CMTM5: variants seen among roughly 807,000 people sequenced by gnomAD.
CMTM5 encodes CKLF like MARVEL transmembrane domain containing 5, also known as CKLF-like MARVEL transmembrane domain-containing protein 5.
A neutral mutation model predicts 26.9 loss-of-function variants in CMTM5; 25 were observed. That is an observed-to-expected ratio of 0.93 (90% CI 0.68 to 1.30). The LOEUF is 1.30. Ranked by LOEUF, CMTM5 falls within the 50% of genes most tolerant of loss-of-function variation. The pLI is 0.00. For synonymous variants in CMTM5, 98 were observed against 115.5 expected (o/e 0.85, Z 0.97); for missense variants, 292 against 289.6 (o/e 1.01, Z -0.06).
Position 23,377,160 on chromosome 14 carries a change from C to T in CMTM5, c.-92C>T. 1 of 1,540,244 alleles carries T rather than the reference C, an allele frequency of 6.5e-7. No homozygotes were observed. The highest frequency in any genetic ancestry group is 1.8e-5 in the Admixed American group (1 of 55,424). On this transcript the variant is annotated 5_prime_UTR_variant, in exon 1 of 6. Coordinates refer to ENST00000339180, the MANE Select transcript of CMTM5 (RefSeq NM_001288746.2). The surrounding 1 kb of genome is among the most constrained non-coding windows in gnomAD (Gnocchi z 4.6). ...ACTTTCAGGTTTCTCGAAGTGCCTT[C>T]TTGCTCCTGTCTGTTTCCCCATCCT... is the stretch of plus-strand genomic sequence containing the variant.
chr14:23,379,015 C>T lies in CMTM5; in HGVS notation c.481-16C>T, dbSNP rs747453809. On this transcript the variant is annotated splice_polypyrimidine_tract_variant and intron_variant, in intron 3 of 5. Coordinates refer to ENST00000339180, the MANE Select transcript of CMTM5 (RefSeq NM_001288746.2). Reference sequence around the variant, plus strand: ...GCCTTCTGAGGTCCTGTTAACCCTGCACCCCTGGCCCCCAGGACTTCCTGC... The same window carrying T: ...GCCTTCTGAGGTCCTGTTAACCCTGTACCCCTGGCCCCCAGGACTTCCTGC... 1.2e-6 allele frequency: 2 copies of T among 1,613,602 alleles called. No homozygotes were observed. The highest frequency in any genetic ancestry group is 1.7e-6 in the Non-Finnish European group (2 of 1,179,596).
intron 3 of CMTM5, 27 bp from the exon 4 acceptor site, chr14:23,379,004 T>C: frequency 6.2e-7 from 1 of 1,612,882 alleles, no homozygotes; most frequent in South Asian, 1.1e-5. Context: ...TCTGAGGTCC[T>C]GTTAACCCTG....
chr14:23,378,249 G>A lies in CMTM5; in HGVS notation c.127-100G>A. ...CCTTCCTCCCCTCCAAGGACAGGTA[G>A]TAGGTGCCAGCCTAGGGGAGCTTCC... is the stretch of plus-strand genomic sequence containing the variant. On this transcript the variant is annotated intron_variant, in intron 1 of 5. Coordinates refer to ENST00000339180, the MANE Select transcript of CMTM5 (RefSeq NM_001288746.2). This position sits in a 1 kb window ranked among gnomAD's most constrained non-coding sequence, Gnocchi z 4.2. 2.3e-6 allele frequency: 3 copies of A among 1,304,256 alleles called. No homozygotes were observed. The highest frequency in any genetic ancestry group is 2.1e-6 in the Non-Finnish European group (2 of 936,842). 80.8% of individuals were successfully genotyped at this position (1,304,256 alleles called of 1,614,324 possible). A position where few individuals can be genotyped will look rare whatever the true frequency, so the allele number is the denominator to read the frequency against.
chr14:23,379,216 G>A (rs1396609379), intron 4 of CMTM5, 83 bp from the exon 5 acceptor site: 20 of 1,600,208 alleles, frequency 1.2e-5, no homozygotes, highest in Non-Finnish European at 1.5e-5. Flanking sequence ...CAGGACTTGG[G>A]GTTCTGGCTT....
In CMTM5 at chr14:23,379,101, A is replaced by T; in HGVS notation, c.551A>T (p.Asp184Val). ...VVSFAAVTSR[D>V]GAAIAAFVFG... is the part of the protein sequence containing the mutation. ...TCCTTTGCAGCTGTGACCTCCCGGG[A>T]CGGAGCTGCCATTGCTGCTTTTGTG... The change falls in exon 4 of 6, where the codon GAC (aspartate) becomes GTC (valine). Residue 184 changes from aspartate (D) to valine (V), a missense_variant. Coordinates refer to ENST00000339180, the MANE Select transcript of CMTM5 (RefSeq NM_001288746.2). 6.2e-7 allele frequency: 1 copy of T among 1,613,798 alleles called. No individual in the cohort carries two copies. The highest frequency in any genetic ancestry group is 2.2e-5 in the East Asian group (1 of 44,880).
rs1038885261 is a variant in CMTM5, at chr14:23,377,150, G to A, written c.-102G>A. 157 of 1,492,150 alleles carry A rather than the reference G, an allele frequency of 1.1e-4. No individual in the cohort carries two copies. The highest frequency in any genetic ancestry group is 8.8e-4 in the Middle Eastern group (5 of 5,680). 92.4% of individuals were successfully genotyped at this position (1,492,150 alleles called of 1,614,324 possible). A position where few individuals can be genotyped will look rare whatever the true frequency, so the allele number is the denominator to read the frequency against. ...CTCCTGCTTCACTTTCAGGTTTCTCGAAGTGCCTTCTTGCTCCTGTCTGTT... is the reference window on the plus strand; with the variant it reads ...CTCCTGCTTCACTTTCAGGTTTCTCAAAGTGCCTTCTTGCTCCTGTCTGTT... On this transcript the variant is annotated 5_prime_UTR_variant, in exon 1 of 6. Transcript: ENST00000339180. The surrounding 1 kb of genome is among the most constrained non-coding windows in gnomAD (Gnocchi z 4.6).
rs1890771071 is a variant in CMTM5, at chr14:23,379,464, A to G, written c.659-10A>G. The stretch of plus-strand genomic sequence containing the variant: ...CTGATGTGGGTCCCTACCTGGCTCT[A>G]TCCTCACAGGGGACCAGCAGTGACT... On this transcript the variant is annotated splice_polypyrimidine_tract_variant and intron_variant, in intron 5 of 5. Transcript: ENST00000339180. 8 of 1,613,930 alleles carry G rather than the reference A, an allele frequency of 5.0e-6. No homozygotes were observed. Among genetic ancestry groups the G allele is most frequent in the Non-Finnish European group, 5.1e-6 (6 of 1,179,976 alleles).
Position 23,377,271 on chromosome 14 carries a change from G to A in CMTM5, c.20G>A (p.Arg7His), listed in dbSNP as rs138472302. 1.2e-4 allele frequency: 190 copies of A among 1,612,128 alleles called. No homozygotes were observed. The highest frequency in any genetic ancestry group is 6.1e-4 in the African/African-American group (46 of 75,004). MLSARDRRDRHPEEGVV... is the reference protein window; with the variant it reads MLSARDHRDRHPEEGVV... ...ACGAAGATGCTCAGTGCTCGAGATC[G>A]CCGGGACCGGCACCCTGAGGAGGGG... Residue 7 changes from arginine (R) to histidine (H), a missense_variant, in exon 1 of 6, where the codon CGC (arginine) becomes CAC (histidine). Coordinates refer to ENST00000339180, the MANE Select transcript of CMTM5 (RefSeq NM_001288746.2). This position sits in a 1 kb window ranked among gnomAD's most constrained non-coding sequence, Gnocchi z 4.6.
Position 23,379,468 on chromosome 14 carries a change from T to A in CMTM5, c.659-6T>A, listed in dbSNP as rs773998041. Reference sequence around the variant, plus strand: ...TGTGGGTCCCTACCTGGCTCTATCCTCACAGGGGACCAGCAGTGACTCTGG... The same window carrying A: ...TGTGGGTCCCTACCTGGCTCTATCCACACAGGGGACCAGCAGTGACTCTGG... On this transcript the variant is annotated splice_polypyrimidine_tract_variant and splice_region_variant and intron_variant, in intron 5 of 5. Transcript: ENST00000339180. 3.7e-6 allele frequency: 6 copies of A among 1,613,906 alleles called. No individual in the cohort carries two copies. In the Admixed American group the frequency reaches 1.0e-4, roughly 27 times the overall value.
chr14:23,377,285 C>T lies in CMTM5; in HGVS notation c.34C>T (p.Pro12Ser), dbSNP rs1376020151. ...LSARDRRDRH[P>S]EEGVVAELQG... Reference sequence around the variant, plus strand: ...TGCTCGAGATCGCCGGGACCGGCACCCTGAGGAGGGGGTAGTTGCAGAGCT... The same window carrying T: ...TGCTCGAGATCGCCGGGACCGGCACTCTGAGGAGGGGGTAGTTGCAGAGCT... Residue 12 changes from proline (P) to serine (S), a missense_variant, in exon 1 of 6, where the codon CCT (proline) becomes TCT (serine). Transcript: ENST00000339180. The surrounding 1 kb of genome is among the most constrained non-coding windows in gnomAD (Gnocchi z 4.6). 2 of 1,612,438 alleles carry T rather than the reference C, an allele frequency of 1.2e-6. No homozygotes were observed. Among genetic ancestry groups the T allele is most frequent in the South Asian group, 1.1e-5 (1 of 90,948 alleles).
Position 23,378,853 on chromosome 14 carries a change from A to ACT in CMTM5, c.466_467dup (p.Leu157ProfsTer25), listed in dbSNP as rs771939369. 6.2e-7 allele frequency: 1 copy of ACT among 1,612,446 alleles called. No individual in the cohort carries two copies. Among genetic ancestry groups the ACT allele is most frequent in the South Asian group, 1.1e-5 (1 of 91,004 alleles). ...TGGTTGCTCTGGTTCATCTGCTTCC[A>ACT]CTCCCTGGGTAGCAGTGTGAGCGCT... is the stretch of plus-strand genomic sequence containing the variant. On this transcript the variant is annotated frameshift_variant, in exon 3 of 6. Coordinates refer to ENST00000339180, the MANE Select transcript of CMTM5 (RefSeq NM_001288746.2). LOFTEE classifies it high-confidence loss of function. This position sits in a 1 kb window ranked among gnomAD's most constrained non-coding sequence, Gnocchi z 4.2.
chr14:23,377,006 C>A, upstream of CMTM5: 1 of 527,020 alleles, frequency 1.9e-6, no homozygotes. The surrounding 1 kb of genome is among the most constrained non-coding windows in gnomAD (Gnocchi z 4.6). Flanking sequence ...TGCCCCTCCC[C>A]ATGGGTCTCT....
rs1890639805 is a variant in CMTM5 at position 23,377,767 on chromosome 14, A to AG, written c.126+391dup. On this transcript the variant is annotated intron_variant, in intron 1 of 5. Coordinates refer to ENST00000339180, the MANE Select transcript of CMTM5 (RefSeq NM_001288746.2). The surrounding 1 kb of genome is among the most constrained non-coding windows in gnomAD (Gnocchi z 4.6). The stretch of plus-strand genomic sequence containing the variant: ...GCACTTTATCTGTGGTCTGCTGCCC[A>AG]GAAACATCTCTTCTCAGGAAAGGAT... 5.1e-6 allele frequency: 1 copy of AG among 197,480 alleles called. No homozygotes were observed. 12.2% of individuals were successfully genotyped at this position (197,480 alleles called of 1,614,324 possible). A position where few individuals can be genotyped will look rare whatever the true frequency, so the allele number is the denominator to read the frequency against.
Position 23,379,058 on chromosome 14 carries a change from AT to A in CMTM5, c.509del (p.Ile170ThrfsTer11). On this transcript the variant is annotated frameshift_variant, in exon 4 of 6. Transcript: ENST00000339180. LOFTEE classifies it high-confidence loss of function. Reference protein sequence around the residue: ...SDFLRCVSAIIIFLVVSFAAV... With the variant: ...SDFLRCVSAIXIFLVVSFAAV... The stretch of plus-strand genomic sequence containing the variant: ...CTTCCTGCGCTGTGTCAGTGCCATC[AT>A]CATCTTCCTGGTGGTCTCCTTTGCA... 1.2e-6 allele frequency: 2 copies of A among 1,613,956 alleles called. No individual in the cohort carries two copies. Among genetic ancestry groups the A allele is most frequent in the Non-Finnish European group, 1.7e-6 (2 of 1,179,970 alleles).
In CMTM5 at chr14:23,377,662, G is replaced by T. The variant is rs1190585665; in HGVS notation, c.126+285G>T. On this transcript the variant is annotated intron_variant, in intron 1 of 5. Coordinates refer to ENST00000339180, the MANE Select transcript of CMTM5 (RefSeq NM_001288746.2). The surrounding 1 kb of genome is among the most constrained non-coding windows in gnomAD (Gnocchi z 4.6). The stretch of plus-strand genomic sequence containing the variant: ...CTTGAGACATAGGGATGGGACAGGG[G>T]CAATGACAGCCTCTAACATGGCCAC... 2.9e-6 allele frequency: 1 copy of T among 347,994 alleles called. No individual in the cohort carries two copies. The highest frequency in any genetic ancestry group is 5.2e-6 in the Non-Finnish European group (1 of 192,298). 21.6% of individuals were successfully genotyped at this position (347,994 alleles called of 1,614,324 possible). A position where few individuals can be genotyped will look rare whatever the true frequency, so the allele number is the denominator to read the frequency against.
chr14:23,377,530 A>C lies in CMTM5; in HGVS notation c.126+153A>C. 1.3e-6 allele frequency: 1 copy of C among 778,856 alleles called. No homozygotes were observed. Among genetic ancestry groups the C allele is most frequent in the Non-Finnish European group, 1.9e-6 (1 of 534,584 alleles). The allele number at this position is 778,856 out of a possible 1,614,324, so 48.2% of individuals were successfully genotyped here. A position where few individuals can be genotyped will look rare whatever the true frequency, so the allele number is the denominator to read the frequency against. Reference sequence around the variant, plus strand: ...CGCAGCTGCCCCTTCTTCGTCTCCTACTCTGCCTTCTTGCTGCCTCTCCAC... The same window carrying C: ...CGCAGCTGCCCCTTCTTCGTCTCCTCCTCTGCCTTCTTGCTGCCTCTCCAC... On this transcript the variant is annotated intron_variant, in intron 1 of 5. Coordinates refer to ENST00000339180, the MANE Select transcript of CMTM5 (RefSeq NM_001288746.2). This position sits in a 1 kb window ranked among gnomAD's most constrained non-coding sequence, Gnocchi z 4.6.
Position 23,379,545 on chromosome 14 carries a change from C to T in CMTM5, c.*58C>T, listed in dbSNP as rs1362910746. 1.9e-6 allele frequency: 3 copies of T among 1,609,502 alleles called. No individual in the cohort carries two copies. The highest frequency in any genetic ancestry group is 2.2e-5 in the South Asian group (2 of 90,962). ...GCCAGAGAGGACAGTGGAGCCCAGA[C>T]ACGTCTCCTTGGGATTCACTAGCCC... On this transcript the variant is annotated 3_prime_UTR_variant, in exon 6 of 6. Coordinates refer to ENST00000339180, the MANE Select transcript of CMTM5 (RefSeq NM_001288746.2).
chr14:23,378,473 G>C lies in CMTM5; in HGVS notation c.251G>C (p.Arg84Pro). 4 of 1,614,090 alleles carry C rather than the reference G, an allele frequency of 2.5e-6. No homozygotes were observed. Among genetic ancestry groups the C allele is most frequent in the South Asian group, 1.1e-5 (1 of 91,072 alleles). The change falls in exon 2 of 6, where the codon CGC (arginine) becomes CCC (proline). Residue 84 changes from arginine to proline, a missense_variant. Arg to Pro is a moderately radical substitution (Grantham distance 103). Transcript: ENST00000339180. This position sits in a 1 kb window ranked among gnomAD's most constrained non-coding sequence, Gnocchi z 4.2. ...CTCTATGCCACCCAGTACTACCAGCGCTTCGACCGAATTAACTGGCCCTGT... is the reference window on the plus strand; with the variant it reads ...CTCTATGCCACCCAGTACTACCAGCCCTTCGACCGAATTAACTGGCCCTGT... ...LFLYATQYYQ[R>P]FDRINWPCLL...
Position 23,379,551 on chromosome 14 carries a change from T to G in CMTM5, c.*64T>G. On this transcript the variant is annotated 3_prime_UTR_variant, in exon 6 of 6. Transcript: ENST00000339180. ...GAGGACAGTGGAGCCCAGACACGTCTCCTTGGGATTCACTAGCCCCCAGCC... is the reference window on the plus strand; with the variant it reads ...GAGGACAGTGGAGCCCAGACACGTCGCCTTGGGATTCACTAGCCCCCAGCC... 1 of 1,607,702 alleles carries G rather than the reference T, an allele frequency of 6.2e-7. No individual in the cohort carries two copies. Among genetic ancestry groups the G allele is most frequent in the African/African-American group, 1.3e-5 (1 of 74,910 alleles).
Sources: gnomAD v4.1 joint callset for allele counts on GRCh38, gnomAD v4.1.1 for gene constraint, Gnocchi (gnomAD v3.1) non-coding constraint, MANE v1.5 for transcripts, NCBI Gene and HGNC (gene_info 2026-07-23, HGNC 2026-07-21) for gene names.